RRAS2: variants seen among roughly 807,000 people sequenced by gnomAD.
RRAS2 encodes RAS related 2.
A neutral mutation model predicts 27.6 loss-of-function variants in RRAS2; 7 were observed. The ratio of observed to expected loss-of-function variants is 0.25; its 90% CI spans 0.14 to 0.48. The LOEUF (loss-of-function observed/expected upper bound fraction) is 0.48. Ranked by LOEUF, RRAS2 falls within the 20% of genes least tolerant of loss-of-function variation. The pLI is 0.99. For synonymous variants in RRAS2, 86 were observed against 90.9 expected, an observed-to-expected ratio of 0.95 and a Z score of 0.31; for missense variants, 178 against 256.2, an observed-to-expected ratio of 0.69 and a Z score of 2.08.
At position 14,358,974 on chromosome 11, in the gene RRAS2, C is replaced by T; in HGVS notation, c.-104G>A. 2 of 1,152,706 alleles carry T rather than the reference C, an allele frequency of 1.7e-6. No homozygotes were observed. Among genetic ancestry groups the T allele is most frequent in the Non-Finnish European group, 1.1e-6 (1 of 938,070 alleles). 71.4% of individuals were successfully genotyped at this position (1,152,706 alleles called of 1,614,324 possible). A position where few individuals can be genotyped will look rare whatever the true frequency, so the allele number is the denominator to read the frequency against. On this transcript the variant is annotated 5_prime_UTR_variant, in exon 1 of 6. Transcript: ENST00000256196. The surrounding 1 kb of genome is among the most constrained non-coding windows in gnomAD (Gnocchi z 5.1). ...CGGCCGGCGGGCTGCGGGCGAGCGG[C>T]CGGGCTGGGGTCCCGGGTACCGGGA...
At chr11:14,319,534 AT>A (rs1221647466) in intron 1 of RRAS2, among the ~76,000 whole-genome samples, 5 of 149,874 alleles carry the variant, frequency 3.3e-5, no homozygotes, top group Non-Finnish European at 7.4e-5. Flanking sequence ...AATTTTTTGT[AT>A]TTTTAGTAGA....
chr11:14,282,506 T>C (rs1462858302), intron 4 of RRAS2, among the ~76,000 whole-genome samples: 1 of 152,308 alleles, frequency 6.6e-6, no homozygotes, highest in East Asian at 1.9e-4. Flanking sequence ...ATGTAAGGAT[T>C]TGAATAGTGA....
chr11:14,358,863 G>T lies in RRAS2; in HGVS notation c.8C>A (p.Ala3Glu). Reference protein sequence around the residue: MAAAGWRDGSGQE... With the variant: MAEAGWRDGSGQE... ...GCCGGAGCCGTCCCGCCAGCCGGCC[G>T]CGGCCATGGGGACGCTACAGAGCCC... The change falls in exon 1 of 6, where the codon GCG (alanine) becomes GAG (glutamate). Residue 3 changes from alanine (A) to glutamate (E), a missense_variant. Physicochemically the swap from Ala to Glu is moderately radical, Grantham distance 107. Transcript: ENST00000256196. The surrounding 1 kb of genome is among the most constrained non-coding windows in gnomAD (Gnocchi z 5.1). 1 of 1,465,686 alleles carries T rather than the reference G, an allele frequency of 6.8e-7. No homozygotes were observed. 90.8% of individuals were successfully genotyped at this position (1,465,686 alleles called of 1,614,324 possible).
chr11:14,302,073 T>TACACACACAGACACACACACAC (rs1847723773), intron 1 of RRAS2, among the ~76,000 whole-genome samples: 1 of 142,362 alleles, frequency 7.0e-6, no homozygotes, highest in Admixed American at 6.9e-5. Flanking sequence ...ACCACACACA[T>TACACACACAGACACACACACAC]ACACACACAC....
intron 1 of RRAS2, among the ~76,000 whole-genome samples, chr11:14,351,915 A>C (rs1848962600): frequency 6.6e-6 from 1 of 151,088 alleles, no homozygotes; most frequent in African/African-American, 2.4e-5. Context: ...AAAAAAAAGA[A>C]GACAGCAAAT....
chr11:14,319,654 G>A (rs946013742), intron 1 of RRAS2, among the ~76,000 whole-genome samples: 4 of 151,850 alleles, frequency 2.6e-5, no homozygotes, highest in Non-Finnish European at 4.4e-5. Context: ...CACCGCGCCC[G>A]GCCGGTTCCC....
chr11:14,284,522 T>C (rs1849614658), intron 4 of RRAS2, among the ~76,000 whole-genome samples: 1 of 152,182 alleles, frequency 6.6e-6, no homozygotes, highest in Non-Finnish European at 1.5e-5. Flanking sequence ...TTGTGTTCAG[T>C]ATTGTTGTTC....
intron 1 of RRAS2, among the ~76,000 whole-genome samples, chr11:14,327,788 C>T (rs1343662014): frequency 6.7e-6 from 1 of 150,012 alleles, no homozygotes. Flanking sequence ...TTCATATATA[C>T]TTCTCACCTG....
At chr11:14,288,620 G>A (rs531802590) in intron 4 of RRAS2, among the ~76,000 whole-genome samples, 3 of 152,274 alleles carry the variant, frequency 2.0e-5, no homozygotes, top group Non-Finnish European at 4.4e-5. Context: ...TTCTGATTTG[G>A]TAGATTTTAG....
At chr11:14,330,147 G>A (rs1414613394) in intron 1 of RRAS2, among the ~76,000 whole-genome samples, 1 of 152,170 alleles carries the variant, frequency 6.6e-6, no homozygotes, top group Non-Finnish European at 1.5e-5. Context: ...TAATGTGAAT[G>A]TGTTCATTAA....
chr11:14,343,038 G>A (rs1848749671), intron 1 of RRAS2, among the ~76,000 whole-genome samples: 1 of 152,276 alleles, frequency 6.6e-6, no homozygotes, highest in Non-Finnish European at 1.5e-5. Context: ...GGGGTATTTT[G>A]TGACAGGCCA....
chr11:14,346,967 C>A (rs1212289835), intron 1 of RRAS2, among the ~76,000 whole-genome samples: 1 of 152,022 alleles, frequency 6.6e-6, no homozygotes, highest in South Asian at 2.1e-4. Flanking sequence ...CTAGCTTGGG[C>A]AACAAAATGA....
At chr11:14,341,893 C>T (rs1221350158) in intron 1 of RRAS2, 4 of 450,514 alleles carry the variant, frequency 8.9e-6, no homozygotes, top group Non-Finnish European at 1.3e-5. Flanking sequence ...CTCTCCTCCC[C>T]CAACACCAAG....
chr11:14,288,323 G>A (rs1187779462), intron 4 of RRAS2, among the ~76,000 whole-genome samples: 1 of 152,114 alleles, frequency 6.6e-6, no homozygotes, highest in East Asian at 1.9e-4. Context: ...TGTCTTCCAG[G>A]AAACAAAGCC....
At chr11:14,336,493 GA>G (rs57265973) in intron 1 of RRAS2, among the ~76,000 whole-genome samples, 4,103 of 151,582 alleles carry the variant, frequency 0.027, 74 homozygotes, top group East Asian at 0.046. Context: ...TGAAACAAAT[GA>G]AAAAAAAGTC....
chr11:14,313,188 A>C (rs1041171058), intron 1 of RRAS2, among the ~76,000 whole-genome samples: 1 of 152,250 alleles, frequency 6.6e-6, no homozygotes, highest in Non-Finnish European at 1.5e-5. Flanking sequence ...AAAAGTCAAG[A>C]GCTAAACAGC....
chr11:14,326,062 C>G (rs1230448974), intron 1 of RRAS2, among the ~76,000 whole-genome samples: 1 of 152,100 alleles, frequency 6.6e-6, no homozygotes, highest in African/African-American at 2.4e-5. Context: ...AAAACATGGA[C>G]GTGTACTAGA....
chr11:14,352,752 T>G (rs1213003858), intron 1 of RRAS2, among the ~76,000 whole-genome samples: 9 of 127,108 alleles, frequency 7.1e-5, no homozygotes, highest in Non-Finnish European at 1.4e-4. Flanking sequence ...AAAATATATA[T>G]ATATAGAGAG....
intron 1 of RRAS2, among the ~76,000 whole-genome samples, chr11:14,304,001 T>C (rs1407933543): frequency 5.3e-5 from 8 of 152,164 alleles, no homozygotes; most frequent in Admixed American, 5.2e-4. Flanking sequence ...CATGTCACCT[T>C]CTAGGTGGCC....
Sources: allele counts gnomAD v4.1 joint callset (sites outside exome capture counted in the v4.1 genomes callset), GRCh38; gene constraint gnomAD v4.1.1; non-coding constraint Gnocchi (gnomAD v3.1); transcripts MANE v1.5; gene names NCBI Gene and HGNC (gene_info 2026-07-23, HGNC 2026-07-21).